The following CCDC74B variants were observed in gnomAD, a reference collection of about 807,000 sequenced individuals.
The protein encoded by CCDC74B is coiled-coil domain containing 74B, also known as coiled-coil domain-containing protein 74B.
A neutral mutation model predicts 38.0 loss-of-function variants in CCDC74B; 34 were observed. That is an observed-to-expected ratio of 0.89 (90% CI 0.68 to 1.19). The LOEUF is 1.19. CCDC74B is among the 50% of genes most tolerant of loss of function. The pLI is 0.00. For missense variants in CCDC74B, 358 were observed against 406.0 expected (o/e 0.88, Z 1.02); for synonymous variants, 132 against 170.4 (o/e 0.77, Z 1.76).
chr2:130,142,417 C>T (rs1293745788), intron 2 of CCDC74B: 1 of 1,613,388 alleles, frequency 6.2e-7, no homozygotes, highest in Non-Finnish European at 8.5e-7. Flanking sequence ...CATGGAACAG[C>T]AGGTCCCGAG....
In CCDC74B at chr2:130,139,502, G is replaced by T; in HGVS notation, c.*53C>A. 6.2e-7 allele frequency: 1 copy of T among 1,602,054 alleles called. No individual in the cohort carries two copies. The highest frequency in any genetic ancestry group is 1.1e-5 in the South Asian group (1 of 89,838). On this transcript the variant is annotated 3_prime_UTR_variant, in exon 8 of 8. Coordinates refer to ENST00000409943, the MANE Select transcript of CCDC74B (RefSeq NM_001258307.2). ...GAAGTGTCAGGAAATGCTATAGAGAGCCAATCTCCAGCTGCAGGTTGGTGG... is the reference window on the plus strand; with the variant it reads ...GAAGTGTCAGGAAATGCTATAGAGATCCAATCTCCAGCTGCAGGTTGGTGG...
intron 2 of CCDC74B, 92 bp downstream of exon 2, chr2:130,143,177 G>A (rs1188832519): frequency 1.3e-5 from 21 of 1,557,194 alleles, no homozygotes; most frequent in Non-Finnish European, 1.7e-5. Flanking sequence ...GGCATACAGG[G>A]GCCAGTGCAG....
rs1685500493 is a variant in CCDC74B, at chr2:130,140,094, C to T, written c.681G>A (p.Leu227=). The T allele has an allele frequency of 1.9e-6, 3 of 1,613,096 alleles. No individual in the cohort carries two copies. The highest frequency in any genetic ancestry group is 1.7e-4 in the Middle Eastern group (1 of 5,736). ...CTTCCAGGAGGGACTTGAGGTGCTG[C>T]AGCTGAAAGGCAGGGGCAGGGGCGT... ...WNTNLLQTQE[L]QHLKSLLEGS... is the part of the protein sequence containing the mutation. Residue 227 remains leucine (L), a splice_region_variant and synonymous_variant, in exon 6 of 8, where the codon CTG becomes CTA. Coordinates refer to ENST00000409943, the MANE Select transcript of CCDC74B (RefSeq NM_001258307.2).
chr2:130,140,881 G>A, intron 4 of CCDC74B: 1 of 254,640 alleles, frequency 3.9e-6, no homozygotes, highest in East Asian at 7.2e-5. Context: ...CTCTGAGGAA[G>A]TGGTTTAGGG....
chr2:130,141,989 G>A (rs1433360195), intron 3 of CCDC74B, 144 bp downstream of exon 3: 13 of 1,394,872 alleles, frequency 9.3e-6, no homozygotes, highest in Non-Finnish European at 1.2e-5. Context: ...CAGCTTGCAG[G>A]GCTCTTTTCA....
intron 1 of CCDC74B, 155 bp downstream of exon 1, chr2:130,144,592 G>A: frequency 1.3e-6 from 2 of 1,548,772 alleles, no homozygotes; most frequent in Non-Finnish European, 8.7e-7. Flanking sequence ...GGGAGGAGGG[G>A]ACAGCTCAGC....
intron 1 of CCDC74B, among the ~76,000 whole-genome samples, chr2:130,143,695 C>T (rs1230170488): frequency 1.3e-5 from 2 of 152,072 alleles, no homozygotes; most frequent in Admixed American, 6.6e-5. Context: ...ATATGAGGAA[C>T]GGGGCGTCCT....
chr2:130,143,893 CCCT>C (rs562341890), intron 1 of CCDC74B, among the ~76,000 whole-genome samples: 5 of 150,722 alleles, frequency 3.3e-5, no homozygotes, highest in Middle Eastern at 3.4e-3. Flanking sequence ...TCCTGGCGGG[CCCT>C]CCTCCTGCTC....
chr2:130,143,168 G>T, intron 2 of CCDC74B, 101 bp downstream of exon 2: 4 of 1,550,748 alleles, frequency 2.6e-6, no homozygotes, highest in Non-Finnish European at 3.5e-6. Flanking sequence ...CACTGGGTTG[G>T]CATACAGGGG....
intron 2 of CCDC74B, 56 bp downstream of exon 2, chr2:130,143,213 G>A (rs569567515): frequency 6.3e-7 from 1 of 1,589,980 alleles, no homozygotes; most frequent in African/African-American, 1.3e-5. Flanking sequence ...CAGTCTGGAG[G>A]GGCTCCCCTG....
chr2:130,143,618 T>C (rs534086630), intron 1 of CCDC74B, among the ~76,000 whole-genome samples: 94 of 152,282 alleles, frequency 6.2e-4, no homozygotes, highest in Non-Finnish European at 1.0e-3. Context: ...AGGTGAACTC[T>C]GGAATCCCTG....
chr2:130,143,938 G>A (rs1413100921), intron 1 of CCDC74B, among the ~76,000 whole-genome samples: 6 of 139,380 alleles, frequency 4.3e-5, no homozygotes, highest in African/African-American at 1.6e-4. Flanking sequence ...GAGGGAGGGA[G>A]AAAGGGGGGC....
chr2:130,139,447 C>A lies in CCDC74B; in HGVS notation c.*108G>T. Reference sequence around the variant, plus strand: ...TTTATCTATCTTGAGTGTTATCTATCTTGGAATTTAGCCAGGCCTAAAAGT... The same window carrying A: ...TTTATCTATCTTGAGTGTTATCTATATTGGAATTTAGCCAGGCCTAAAAGT... On this transcript the variant is annotated 3_prime_UTR_variant, in exon 8 of 8. Coordinates refer to ENST00000409943, the MANE Select transcript of CCDC74B (RefSeq NM_001258307.2). The A allele has an allele frequency of 2.2e-6, 3 of 1,381,642 alleles. No homozygotes were observed. The highest frequency in any genetic ancestry group is 2.9e-6 in the Non-Finnish European group (3 of 1,021,956). The allele number at this position is 1,381,642 out of a possible 1,614,324, so 85.6% of individuals were successfully genotyped here.
rs1685956412 is a variant in CCDC74B at position 130,145,062 on chromosome 2, C to G, written c.-66G>C. 4 of 1,401,660 alleles carry G rather than the reference C, an allele frequency of 2.9e-6. No homozygotes were observed. In the East Asian group the frequency reaches 1.1e-4, roughly 39 times the overall value. 86.8% of individuals were successfully genotyped at this position (1,401,660 alleles called of 1,614,324 possible). On this transcript the variant is annotated 5_prime_UTR_variant, in exon 1 of 8. Transcript: ENST00000409943. ...GGCTCAGTGGCCAGGCCGCCCTAGC[C>G]TGGCGCCCCGTCACCATGGAAACCG...
intron 1 of CCDC74B, 172 bp downstream of exon 1, chr2:130,144,574 CT>C (rs1240285923): frequency 6.5e-7 from 1 of 1,550,196 alleles, no homozygotes; most frequent in Admixed American, 2.0e-5. Context: ...CCACGCGGGT[CT>C]CCCTCTGGGA....
intron 2 of CCDC74B, chr2:130,143,059 G>A (rs1371384518): frequency 2.7e-6 from 4 of 1,488,078 alleles, no homozygotes; most frequent in Non-Finnish European, 3.6e-6. Context: ...TCAGGCCCTG[G>A]GCTTCCTGAG....
At position 130,139,537 on chromosome 2, in the gene CCDC74B, TG is replaced by T; in HGVS notation, c.*17del. ...AGCTGCAGGTTGGTGGGCCTGGCAC[TG>T]ACCAGATGCGGGTAGCTCAAAGCAC... On this transcript the variant is annotated 3_prime_UTR_variant, in exon 8 of 8. Transcript: ENST00000409943. The T allele has an allele frequency of 1.2e-6, 2 of 1,613,142 alleles. No homozygotes were observed. Among genetic ancestry groups the T allele is most frequent in the Non-Finnish European group, 1.7e-6 (2 of 1,179,852 alleles).
chr2:130,139,865 A>G (rs1241529212), intron 7 of CCDC74B, 26 bp downstream of exon 7: 2 of 1,609,240 alleles, frequency 1.2e-6, no homozygotes, highest in Admixed American at 3.4e-5. Flanking sequence ...GGGCTGCCCC[A>G]CTGTCCCCAT....
At chr2:130,139,827 C>T (rs1685477501) in intron 7 of CCDC74B, 64 bp downstream of exon 7, 1 of 1,610,716 alleles carries the variant, frequency 6.2e-7, no homozygotes, top group African/African-American at 1.3e-5. Context: ...GCTCCCTTCC[C>T]CACTCCCTCC....
Sources: gnomAD v4.1 joint callset for allele counts (sites outside exome capture counted in the v4.1 genomes callset) on GRCh38, gnomAD v4.1.1 for gene constraint, MANE v1.5 for transcripts, NCBI Gene and HGNC (gene_info 2026-07-23, HGNC 2026-07-21) for gene names.